Variants in CDKL1 observed in about 807,000 individuals in gnomAD.
CDKL1 encodes cyclin-dependent kinase-like 1.
CDKL1 carries 41 observed loss-of-function variants against 42.0 expected under a neutral mutation model. That is an observed-to-expected ratio of 0.98 (90% CI 0.76 to 1.27). The LOEUF is 1.27. Ranked by LOEUF, CDKL1 falls within the 50% of genes most tolerant of loss-of-function variation. CDKL1 has a pLI of 0.00. For missense variants in CDKL1, 394 were observed against 428.4 expected, an observed-to-expected ratio of 0.92 and a Z score of 0.71; for synonymous variants, 153 against 158.6, an observed-to-expected ratio of 0.96 and a Z score of 0.26.
chr14:50,369,890 A>C (rs990453132), intron 2 of CDKL1, among the ~76,000 whole-genome samples: 1 of 152,156 alleles, frequency 6.6e-6, no homozygotes, highest in Non-Finnish European at 1.5e-5. Context: ...AAGTGCTGGG[A>C]TTACAGGCGT....
chr14:50,378,476 G>T, intron 2 of CDKL1: 8 of 1,344,180 alleles, frequency 6.0e-6, no homozygotes, highest in Non-Finnish European at 8.0e-6. Context: ...CTACACTGTC[G>T]CATAACTTGG....
intron 7 of CDKL1, chr14:50,335,944 TTTGTATTAGCCC>T: frequency 7.5e-7 from 1 of 1,336,728 alleles, no homozygotes; most frequent in African/African-American, 1.5e-5. Context: ...CTAAAGTAGG[TTTGTATTAGCCC>T]TTGACAGTAG....
chr14:50,346,466 A>T (rs1038803540), intron 3 of CDKL1, among the ~76,000 whole-genome samples: 2 of 145,740 alleles, frequency 1.4e-5, no homozygotes, highest in African/African-American at 5.0e-5. Context: ...TCCACTTTTA[A>T]TTTTTTTTTT....
chr14:50,348,731 C>G (rs8013965), intron 3 of CDKL1, among the ~76,000 whole-genome samples: 7 of 151,970 alleles, frequency 4.6e-5, no homozygotes, highest in Non-Finnish European at 8.8e-5. Context: ...TAACCAGAGA[C>G]TATATGATGC....
chr14:50,342,682 T>A (rs1001725844), intron 4 of CDKL1: 1 of 279,268 alleles, frequency 3.6e-6, no homozygotes, highest in Non-Finnish European at 6.3e-6. Flanking sequence ...CGGGTGAGGC[T>A]GCATCATGGT....
intron 4 of CDKL1, chr14:50,342,432 CAAG>C (rs2033579033): frequency 7.5e-7 from 1 of 1,329,486 alleles, no homozygotes; most frequent in Non-Finnish European, 9.6e-7. Context: ...CCAAAAGAGC[CAAG>C]AAGAGTGAAA....
intron 3 of CDKL1, among the ~76,000 whole-genome samples, chr14:50,348,348 T>C (rs1302258643): frequency 6.6e-6 from 1 of 152,108 alleles, no homozygotes; most frequent in African/African-American, 2.4e-5. Flanking sequence ...AGGGAAACAC[T>C]CTCCACTACT....
chr14:50,374,404 C>T (rs768514914), intron 2 of CDKL1, among the ~76,000 whole-genome samples: 2 of 152,140 alleles, frequency 1.3e-5, no homozygotes, highest in Non-Finnish European at 2.9e-5. Flanking sequence ...AATGTGTGAA[C>T]CTTAAGATAT....
intron 3 of CDKL1, among the ~76,000 whole-genome samples, chr14:50,356,014 A>G (rs908193542): frequency 6.6e-6 from 1 of 152,192 alleles, no homozygotes; most frequent in Non-Finnish European, 1.5e-5. Context: ...AGAGGGTGGC[A>G]TGCTCAACTT....
chr14:50,364,060 A>C (rs1360121870), intron 2 of CDKL1: 4 of 152,334 alleles, frequency 2.6e-5, no homozygotes, highest in Non-Finnish European at 5.9e-5. Context: ...GCACCCAAGC[A>C]AGGAGTAGCA....
At chr14:50,363,158 C>T (rs2034330650) in intron 2 of CDKL1, 1 of 235,546 alleles carries the variant, frequency 4.2e-6, no homozygotes, top group Non-Finnish European at 9.2e-6. Context: ...AGAAACTCAA[C>T]ACATCCGAAC....
At chr14:50,390,840 T>C (rs2035236677) in intron 2 of CDKL1, among the ~76,000 whole-genome samples, 1 of 152,178 alleles carries the variant, frequency 6.6e-6, no homozygotes, top group Admixed American at 6.5e-5. Context: ...TTCTTGATTT[T>C]TCTTTTTTTT....
intron 3 of CDKL1, among the ~76,000 whole-genome samples, chr14:50,355,219 T>C (rs1453039971): frequency 6.6e-6 from 1 of 152,178 alleles, no homozygotes; most frequent in Non-Finnish European, 1.5e-5. Flanking sequence ...TTTCAGTTGA[T>C]TGCAATTTTT....
At chr14:50,343,155 C>CTTTTTTTTTTTTTTTTTTTTTTTTTTTT (rs3049935) in intron 4 of CDKL1, 1 of 258,112 alleles carries the variant, frequency 3.9e-6, no homozygotes, top group Non-Finnish European at 6.6e-6. Context: ...TTAAGAGTTA[C>CTTTTTTTTTTTTTTTTTTTTTTTTTTTT]TTTTTTTTTT....
Position 50,383,500 on chromosome 14 carries a change from C to T in CDKL1, c.168+12201G>A, listed in dbSNP as rs544011489. Among the ~76,000 whole-genome samples, 9 of 150,722 alleles carry T rather than the reference C, an allele frequency of 6.0e-5. No homozygotes were observed. In the South Asian group the frequency reaches 1.9e-3, roughly 32 times the overall value. On this transcript the variant is annotated intron_variant, in intron 2 of 9. Transcript: ENST00000395834. Reference sequence around the variant, plus strand: ...GCGGGGAGGAGGAGGTTGCAGTGAGCTGAGATTGTGCCACTACACTCCAGC... The same window carrying T: ...GCGGGGAGGAGGAGGTTGCAGTGAGTTGAGATTGTGCCACTACACTCCAGC...
At chr14:50,331,869 T>C (rs548422706) in intron 9 of CDKL1, 2 of 721,968 alleles carry the variant, frequency 2.8e-6, no homozygotes, top group South Asian at 2.0e-5. Context: ...AGCTCCTTTT[T>C]TGGACAAACC....
intron 2 of CDKL1, among the ~76,000 whole-genome samples, chr14:50,368,174 G>A (rs894048126): frequency 3.9e-5 from 6 of 152,150 alleles, no homozygotes; most frequent in East Asian, 1.9e-4. Context: ...TGCCCTGTCC[G>A]ATCTTGAAAT....
At chr14:50,362,127 G>A (rs1254203124) in intron 2 of CDKL1, 3 of 264,462 alleles carry the variant, frequency 1.1e-5, no homozygotes. Flanking sequence ...TGCAGGGCAG[G>A]GCTCAGGACC....
chr14:50,329,883 A>G lies in CDKL1; in HGVS notation c.*191T>C, dbSNP rs1364225570. ...CAAACAGGTTTTTTCTTTTCTGGAC[A>G]CCATCATCAAGCATGGAAGACTGGA... On this transcript the variant is annotated 3_prime_UTR_variant, in exon 10 of 10. Transcript: ENST00000395834. 4 of 637,970 alleles carry G rather than the reference A, an allele frequency of 6.3e-6. No homozygotes were observed. Among genetic ancestry groups the G allele is most frequent in the Non-Finnish European group, 5.0e-6 (2 of 396,424 alleles). The allele number at this position is 637,970 out of a possible 1,614,324, so 39.5% of individuals were successfully genotyped here.
Sources: gnomAD v4.1 joint callset for allele counts (sites outside exome capture counted in the v4.1 genomes callset) on GRCh38, gnomAD v4.1.1 for gene constraint, MANE v1.5 for transcripts, NCBI Gene and HGNC (gene_info 2026-07-23, HGNC 2026-07-21) for gene names.